The following SUCLG2 variants were observed in gnomAD, a reference collection of about 807,000 sequenced individuals.
SUCLG2 encodes the protein succinate-CoA ligase GDP-forming subunit beta.
Under a neutral mutation model 47.9 loss-of-function variants are expected in SUCLG2, and 42 were observed. The ratio of observed to expected loss-of-function variants is 0.88; its 90% CI spans 0.69 to 1.14. The LOEUF (loss-of-function observed/expected upper bound fraction) is 1.14. SUCLG2 is among the 50% of genes most tolerant of loss of function. The pLI is 0.00. For synonymous variants in SUCLG2, 195 were observed against 197.3 expected, an observed-to-expected ratio of 0.99 and a Z score of 0.10; for missense variants, 571 against 525.9, an observed-to-expected ratio of 1.09 and a Z score of -0.84.
intron 4 of SUCLG2, among the ~76,000 whole-genome samples, chr3:67,526,438 C>T (rs1706257702): frequency 6.6e-6 from 1 of 152,182 alleles, no homozygotes; most frequent in Non-Finnish European, 1.5e-5. Context: ...GCAGAGCCTT[C>T]ATGACTAATC....
intron 9 of SUCLG2, among the ~76,000 whole-genome samples, chr3:67,463,225 A>G (rs1053456683): frequency 6.6e-6 from 1 of 152,172 alleles, no homozygotes; most frequent in Non-Finnish European, 1.5e-5. Context: ...TGGATTTTAA[A>G]ACAGAAATAC....
chr3:67,391,544 G>T (rs1017977855), intron 10 of SUCLG2, among the ~76,000 whole-genome samples: 1 of 152,118 alleles, frequency 6.6e-6, no homozygotes, highest in African/African-American at 2.4e-5. Flanking sequence ...GTTATGCTAG[G>T]TTCTAAGACC....
At chr3:67,462,420 C>A (rs1704359744) in intron 9 of SUCLG2, among the ~76,000 whole-genome samples, 1 of 152,108 alleles carries the variant, frequency 6.6e-6, no homozygotes, top group Admixed American at 6.6e-5. Flanking sequence ...TTAGATCATA[C>A]CCTTTTTGTC....
chr3:67,430,997 A>T (rs1703465333), intron 9 of SUCLG2, among the ~76,000 whole-genome samples: 1 of 152,222 alleles, frequency 6.6e-6, no homozygotes, highest in Non-Finnish European at 1.5e-5. Context: ...GACCAGACGG[A>T]TTCACAGCCG....
chr3:67,477,656 C>T lies in SUCLG2; in HGVS notation c.1062+18142G>A, dbSNP rs896934078. On this transcript the variant is annotated intron_variant, in intron 9 of 10. Coordinates refer to ENST00000307227, the MANE Select transcript of SUCLG2 (RefSeq NM_003848.4). Reference sequence around the variant, plus strand: ...GTTGCAGTGATCTGAGATCAAGCCACTGCACTCCAGCCTGGGTGACAGAGC... The same window carrying T: ...GTTGCAGTGATCTGAGATCAAGCCATTGCACTCCAGCCTGGGTGACAGAGC... 4.7e-4 allele frequency among the ~76,000 whole-genome samples: 72 copies of T among 152,166 alleles called. 1 individual carries two copies. The highest frequency in any genetic ancestry group is 2.0e-4 in the Admixed American group (3 of 15,288).
At chr3:67,652,909 A>C (rs1208667392) in intron 1 of SUCLG2, among the ~76,000 whole-genome samples, 1 of 152,190 alleles carries the variant, frequency 6.6e-6, no homozygotes, top group African/African-American at 2.4e-5. Context: ...AAAAAAACCT[A>C]CTTTTACCTT....
chr3:67,436,826 T>G (rs1197399012), intron 9 of SUCLG2, among the ~76,000 whole-genome samples: 2 of 152,214 alleles, frequency 1.3e-5, no homozygotes, highest in Non-Finnish European at 1.5e-5. Flanking sequence ...TAAATACAAA[T>G]GCACACATTT....
rs148275555 is a variant in SUCLG2 at position 67,556,278 on chromosome 3, C to A, written c.227-27092G>T. ...TCAGTGGGCTTTGTGTCCTGGGGGG[C>A]AGCAGTGCATCAACACTGTTTCCTG... On this transcript the variant is annotated intron_variant, in intron 2 of 10. Coordinates refer to ENST00000307227, the MANE Select transcript of SUCLG2 (RefSeq NM_003848.4). 3.6e-3 allele frequency among the ~76,000 whole-genome samples: 545 copies of A among 152,244 alleles called. 2 individuals carry two copies. Among genetic ancestry groups the A allele is most frequent in the African/African-American group, 0.013 (521 of 41,540 alleles).
chr3:67,508,943 T>A lies in SUCLG2; in HGVS notation c.661-40A>T, dbSNP rs1705714530. 6.9e-6 allele frequency: 10 copies of A among 1,440,624 alleles called. No individual in the cohort carries two copies. The East Asian group carries it at 2.4e-4, about 34-fold the overall frequency. The allele number at this position is 1,440,624 out of a possible 1,614,324, so 89.2% of individuals were successfully genotyped here. On this transcript the variant is annotated intron_variant, in intron 6 of 10. Coordinates refer to ENST00000307227, the MANE Select transcript of SUCLG2 (RefSeq NM_003848.4). ...GTGAAATAGAATTACACCAAAGCAG[T>A]AAAAGAAAATTTATTTTGCTGGATT... is the stretch of plus-strand genomic sequence containing the variant.
intron 2 of SUCLG2, among the ~76,000 whole-genome samples, chr3:67,595,153 G>T (rs1186043964): frequency 6.9e-6 from 1 of 144,828 alleles, no homozygotes; most frequent in African/African-American, 2.5e-5. Flanking sequence ...TGGTCATGTG[G>T]AAAATTTTAG....
chr3:67,396,907 A>G (rs1197916230), intron 10 of SUCLG2, among the ~76,000 whole-genome samples: 1 of 152,166 alleles, frequency 6.6e-6, no homozygotes, highest in Non-Finnish European at 1.5e-5. Context: ...TATAAACAGA[A>G]CCAAAGACAA....
At chr3:67,638,097 G>A (rs1012849133) in intron 1 of SUCLG2, among the ~76,000 whole-genome samples, 9 of 152,276 alleles carry the variant, frequency 5.9e-5, no homozygotes, top group Middle Eastern at 3.4e-3. Flanking sequence ...AAGAGTGTAA[G>A]CTTCTAAGTC....
intron 10 of SUCLG2, among the ~76,000 whole-genome samples, chr3:67,383,484 G>A (rs1245205771): frequency 6.6e-6 from 1 of 152,144 alleles, no homozygotes; most frequent in East Asian, 1.9e-4. Flanking sequence ...CTGTGTGGCT[G>A]TATTGTATCC....
intron 2 of SUCLG2, among the ~76,000 whole-genome samples, chr3:67,561,915 T>C (rs752313897): frequency 3.3e-5 from 5 of 152,202 alleles, no homozygotes; most frequent in Non-Finnish European, 5.9e-5. Context: ...TATTACACTG[T>C]AGGGTTTTAA....
chr3:67,380,194 C>T (rs1261940525), intron 10 of SUCLG2, among the ~76,000 whole-genome samples: 11 of 149,250 alleles, frequency 7.4e-5, no homozygotes, highest in African/African-American at 2.2e-4. Context: ...AGTCCTCTCA[C>T]AGTTACCTAG....
intron 10 of SUCLG2, among the ~76,000 whole-genome samples, chr3:67,386,485 C>G (rs1229389874): frequency 6.6e-6 from 1 of 151,896 alleles, no homozygotes; most frequent in Non-Finnish European, 1.5e-5. Context: ...AAGACATATC[C>G]AACACTGGGT....
chr3:67,532,408 T>C (rs1443880996), intron 2 of SUCLG2, among the ~76,000 whole-genome samples: 1 of 152,184 alleles, frequency 6.6e-6, no homozygotes. Context: ...AGTGCTAGGA[T>C]TACAGGCATA....
intron 2 of SUCLG2, among the ~76,000 whole-genome samples, chr3:67,537,608 T>C (rs1350802012): frequency 6.6e-6 from 1 of 152,194 alleles, no homozygotes; most frequent in Non-Finnish European, 1.5e-5. Context: ...CTTGGTCAAA[T>C]GGCAATTTCT....
chr3:67,495,986 T>C (rs1412821483), intron 8 of SUCLG2, 46 bp from the exon 9 acceptor site: 2 of 1,611,122 alleles, frequency 1.2e-6, no homozygotes, highest in Non-Finnish European at 8.5e-7. Context: ...TTTAGCAACA[T>C]GAAATGGTCC....
Sources: allele counts gnomAD v4.1 joint callset (sites outside exome capture counted in the v4.1 genomes callset), GRCh38; gene constraint gnomAD v4.1.1; transcripts MANE v1.5; gene names NCBI Gene and HGNC (gene_info 2026-07-23, HGNC 2026-07-21).